MYO9A: variants seen among roughly 807,000 people sequenced by gnomAD.
MYO9A encodes the protein myosin IXA.
Under a neutral mutation model 293.3 loss-of-function variants are expected in MYO9A, and 103 were observed. The ratio of observed to expected loss-of-function variants is 0.35; its 90% confidence interval spans 0.30 to 0.41. MYO9A has a LOEUF of 0.41. MYO9A is among the 10% of genes least tolerant of loss of function. MYO9A has a pLI of 1.00. For missense variants in MYO9A, 2,685 were observed against 3,033.0 expected, an observed-to-expected ratio of 0.89 and a Z score of 2.69; for synonymous variants, 1,001 against 1,035.7, an observed-to-expected ratio of 0.97 and a Z score of 0.64.
At chr15:72,091,589 C>T (rs2079911016) in intron 1 of MYO9A, among the ~76,000 whole-genome samples, 1 of 152,162 alleles carries the variant, frequency 6.6e-6, no homozygotes, top group South Asian at 2.1e-4. Context: ...TCTCTCTGAG[C>T]CTTAATTTCT....
chr15:71,834,970 C>T (rs965204933), intron 39 of MYO9A, among the ~76,000 whole-genome samples: 3 of 151,902 alleles, frequency 2.0e-5, no homozygotes, highest in Admixed American at 6.6e-5. Context: ...AATGATACTA[C>T]TACATTATAA....
chr15:71,973,668 T>C (rs890021119), intron 12 of MYO9A, among the ~76,000 whole-genome samples: 2 of 152,168 alleles, frequency 1.3e-5, no homozygotes, highest in African/African-American at 4.8e-5. Context: ...ATATGCTTCA[T>C]ATGCAAGCTA....
At chr15:71,841,808 T>G (rs959187801) in intron 39 of MYO9A, among the ~76,000 whole-genome samples, 2 of 144,968 alleles carry the variant, frequency 1.4e-5, no homozygotes, top group Non-Finnish European at 3.0e-5. Context: ...GTTTTTTTTT[T>G]TGTTTTTTTT....
chr15:71,839,428 A>AGAT (rs35306652), intron 39 of MYO9A, among the ~76,000 whole-genome samples: 1,923 of 151,602 alleles, frequency 0.013, 50 homozygotes, highest in African/African-American at 0.045. Flanking sequence ...CTTTCTTTAA[A>AGAT]GATACAGGGT....
intron 14 of MYO9A, among the ~76,000 whole-genome samples, chr15:71,957,597 T>C (rs748311720): frequency 1.3e-5 from 2 of 152,110 alleles, no homozygotes; most frequent in Non-Finnish European, 2.9e-5. Context: ...AATTTTAGTA[T>C]CTGGTCATTT....
chr15:71,889,348 T>A (rs1303277312), intron 26 of MYO9A: 3 of 151,840 alleles, frequency 2.0e-5, no homozygotes, highest in Non-Finnish European at 4.4e-5. Flanking sequence ...TATAACTTTA[T>A]GATTCCCAGG....
chr15:72,088,759 TGACA>T (rs955365532), intron 1 of MYO9A, among the ~76,000 whole-genome samples: 11 of 152,234 alleles, frequency 7.2e-5, no homozygotes, highest in Non-Finnish European at 1.0e-4. Context: ...TTGTTCTGAC[TGACA>T]GAGACGTTCC....
At chr15:72,084,259 C>G (rs546552657) in intron 1 of MYO9A, among the ~76,000 whole-genome samples, 1 of 150,398 alleles carries the variant, frequency 6.6e-6, no homozygotes, top group South Asian at 2.1e-4. Context: ...CTTCTTTGTC[C>G]TTCTTCATCT....
At chr15:71,934,558 A>G (rs2058572060) in intron 17 of MYO9A, among the ~76,000 whole-genome samples, 1 of 151,922 alleles carries the variant, frequency 6.6e-6, no homozygotes, top group African/African-American at 2.4e-5. Flanking sequence ...TGCTTGGGAA[A>G]TATCTAAAAC....
rs761895933 is a variant in MYO9A at position 71,883,735 on chromosome 15, G to A, written c.5257C>T (p.Pro1753Ser). Residue 1753 changes from proline (P) to serine (S), a missense_variant and splice_region_variant, in exon 28 of 42, where the codon CCT becomes TCT. By Grantham distance (74) the Pro-to-Ser change is moderately conservative. Transcript: ENST00000356056. ...CAGAATCTCATCTTAGCTCTCTGAG[G>A]TCTGTTTAAAGAAATAAAGGTAAAA... ...RQKASDSDIR[P>S]QRAKMRFWAK... is the part of the protein sequence containing the mutation. The A allele has an allele frequency of 1.9e-6, 3 of 1,606,622 alleles. No individual in the cohort carries two copies. Among genetic ancestry groups the A allele is most frequent in the Non-Finnish European group, 2.5e-6 (3 of 1,177,650 alleles).
chr15:71,991,066 G>C (rs776613858), intron 11 of MYO9A, 37 bp downstream of exon 11: 20 of 1,477,002 alleles, frequency 1.4e-5, no homozygotes, highest in African/African-American at 1.4e-5. Flanking sequence ...AGATATGTGT[G>C]ATGGGGGGAC....
At chr15:72,101,107 G>C (rs2080289655) in intron 1 of MYO9A, among the ~76,000 whole-genome samples, 2 of 142,024 alleles carry the variant, frequency 1.4e-5, no homozygotes. Context: ...CCCCGTCCGG[G>C]AGGGAGGTCG....
intron 32 of MYO9A, among the ~76,000 whole-genome samples, chr15:71,870,952 G>C (rs1022809329): frequency 3.3e-5 from 5 of 152,198 alleles, no homozygotes; most frequent in Non-Finnish European, 5.9e-5. Flanking sequence ...TCATTCAACA[G>C]TGGGCAGACA....
At chr15:72,054,855 T>C (rs2078675435) in intron 1 of MYO9A, among the ~76,000 whole-genome samples, 1 of 148,514 alleles carries the variant, frequency 6.7e-6, no homozygotes, top group South Asian at 2.1e-4. Context: ...TAAGCAAGAC[T>C]AAATGAGATT....
At chr15:71,995,636 C>T (rs1174199368) in intron 9 of MYO9A, among the ~76,000 whole-genome samples, 5 of 151,158 alleles carry the variant, frequency 3.3e-5, no homozygotes, top group Non-Finnish European at 7.4e-5. Flanking sequence ...GAATATAAAT[C>T]CTAGTAATTT....
intron 35 of MYO9A, 129 bp downstream of exon 35, chr15:71,854,248 G>A (rs535830873): frequency 3.5e-5 from 26 of 744,572 alleles, no homozygotes; most frequent in Admixed American, 6.4e-5. Flanking sequence ...TGATAACAAA[G>A]CATCACAGAA....
At chr15:71,985,589 G>A (rs1022246297) in intron 11 of MYO9A, among the ~76,000 whole-genome samples, 2 of 152,088 alleles carry the variant, frequency 1.3e-5, no homozygotes, top group Admixed American at 1.3e-4. Context: ...TGAGTCAGAA[G>A]AAAACCCTGC....
At chr15:71,902,795 C>A (rs1175398987) in intron 22 of MYO9A, 146 bp downstream of exon 22, 5 of 586,768 alleles carry the variant, frequency 8.5e-6, no homozygotes, top group Non-Finnish European at 1.4e-5. Flanking sequence ...ATATTGACTA[C>A]ATAATTAAAT....
intron 1 of MYO9A, among the ~76,000 whole-genome samples, chr15:72,077,169 G>T (rs2079380067): frequency 6.6e-6 from 1 of 152,164 alleles, no homozygotes; most frequent in South Asian, 2.1e-4. Context: ...CTTAGGCTTG[G>T]TGATGACAGT....
Sources: allele counts gnomAD v4.1 joint callset (sites outside exome capture counted in the v4.1 genomes callset), GRCh38; gene constraint gnomAD v4.1.1; transcripts MANE v1.5; gene names NCBI Gene and HGNC (gene_info 2026-07-23, HGNC 2026-07-21).